Variants in FMR1 observed in about 807,000 individuals in gnomAD.
The protein encoded by FMR1 is fragile X messenger ribonucleoprotein 1.
Under a neutral mutation model 50.6 loss-of-function variants are expected in FMR1, and 13 were observed. That is an observed-to-expected ratio of 0.26 (90% CI 0.17 to 0.41). The LOEUF is 0.41. Ranked by LOEUF, FMR1 falls within the 10% of genes least tolerant of loss-of-function variation. FMR1 has a pLI of 1.00. For synonymous variants in FMR1, 138 were observed against 164.1 expected (o/e 0.84, Z 1.22); for missense variants, 316 against 491.3 (o/e 0.64, Z 3.37).
chrX:147,950,021 C>CT lies in FMR1; in HGVS notation c.*1185dup, dbSNP rs781888578. On this transcript the variant is annotated 3_prime_UTR_variant, in exon 17 of 17. Coordinates refer to ENST00000370475, the MANE Select transcript of FMR1 (RefSeq NM_002024.6). ...ACTAAGATCGGTTAACAAATAACAA[C>CT]TTTTTTTTCTTTTTTTCTTTTGTTT... 6 of 312,051 alleles carry CT rather than the reference C, an allele frequency of 1.9e-5. No individual in the cohort carries two copies. The highest frequency in any genetic ancestry group is 1.2e-4 in the South Asian group (4 of 34,513). The allele number at this position is 312,051 out of a possible 1,213,427, so 25.7% of individuals were successfully genotyped here.
intron 14 of FMR1, chrX:147,944,086 C>G: frequency 1.5e-6 from 1 of 648,214 alleles, no homozygotes; most frequent in Non-Finnish European, 1.8e-6. Flanking sequence ...AGCTGATATT[C>G]TGGAGTTGGG....
intron 2 of FMR1, among the ~76,000 whole-genome samples, chrX:147,924,718 C>A: frequency 9.6e-6 from 1 of 104,530 alleles, no homozygotes; most frequent in Non-Finnish European, 2.0e-5. Flanking sequence ...TCAGGTCTTA[C>A]CTTGTTGCCC....
intron 9 of FMR1, among the ~76,000 whole-genome samples, chrX:147,934,577 A>G (rs1299868078): frequency 8.9e-6 from 1 of 111,824 alleles, no homozygotes; most frequent in Non-Finnish European, 1.9e-5. Flanking sequence ...TTTGGAAATA[A>G]GTGTAATGTA....
intron 12 of FMR1, 26 bp from the exon 13 acceptor site, chrX:147,940,547 TAGG>T: frequency 1.0e-6 from 1 of 964,512 alleles, no homozygotes. Flanking sequence ...ATTACTTTTA[TAGG>T]ATCATTGTTG....
At chrX:147,928,568 A>G in intron 4 of FMR1, 91 bp from the exon 5 acceptor site, 9 of 900,818 alleles carry the variant, frequency 1.0e-5, no homozygotes, top group Non-Finnish European at 1.4e-5. Context: ...TTTTTCACAT[A>G]GATTATTTAT....
rs1234449753 is a variant in FMR1 at position 147,936,649 on chromosome X, ATAAAAG to A, written c.990+44_990+49del. On this transcript the variant is annotated intron_variant, in intron 10 of 16. Coordinates refer to ENST00000370475, the MANE Select transcript of FMR1 (RefSeq NM_002024.6). ...GTGCGAATATTTTGTGGCACATATA[ATAAAAG>A]TAAAAGTTTTTTATGTGATATGTTG... is the stretch of plus-strand genomic sequence containing the variant. The A allele has an allele frequency of 1.0e-5, 9 of 894,584 alleles. No homozygotes were observed. In the Admixed American group the frequency reaches 1.1e-4, roughly 11 times the overall value. The allele number at this position is 894,584 out of a possible 1,213,427, so 73.7% of individuals were successfully genotyped here. A position where few individuals can be genotyped will look rare whatever the true frequency, so the allele number is the denominator to read the frequency against.
Position 147,929,994 on chromosome X carries a change from G to T in FMR1, c.466G>T (p.Ala156Ser). The T allele has an allele frequency of 8.3e-7, 1 of 1,207,014 alleles. No homozygotes were observed. Among genetic ancestry groups the T allele is most frequent in the Non-Finnish European group, 1.1e-6 (1 of 891,610 alleles). Residue 156 changes from alanine to serine, a missense_variant, in exon 6 of 17, where the codon GCC becomes TCC. Coordinates refer to ENST00000370475, the MANE Select transcript of FMR1 (RefSeq NM_002024.6). ...AHKDFKKAVG[A>S]FSVTYDPENY... ...TAAGGATTTTAAAAAGGCAGTTGGT[G>T]CCTTTTCTGTAACTTATGATCCAGA...
In FMR1 at chrX:147,949,645, T is replaced by C. The variant is rs782097438; in HGVS notation, c.*801T>C. On this transcript the variant is annotated 3_prime_UTR_variant, in exon 17 of 17. Coordinates refer to ENST00000370475, the MANE Select transcript of FMR1 (RefSeq NM_002024.6). ...AGTGTTATTGAGAGAGATGTGTAAT[T>C]TTTCTGTATAGACAGGAGAAGAAAG... is the stretch of plus-strand genomic sequence containing the variant. 9 of 327,664 alleles carry C rather than the reference T, an allele frequency of 2.7e-5. No individual in the cohort carries two copies. Among genetic ancestry groups the C allele is most frequent in the Non-Finnish European group, 5.3e-5 (9 of 169,592 alleles). The allele number at this position is 327,664 out of a possible 1,213,427, so 27.0% of individuals were successfully genotyped here.
intron 1 of FMR1, chrX:147,913,385 A>G (rs1032383607): frequency 1.8e-5 from 2 of 112,227 alleles, no homozygotes; most frequent in African/African-American, 6.5e-5. Flanking sequence ...TTGAATGTCT[A>G]TAACCTCTTT....
chrX:147,950,326 C>A lies in FMR1; in HGVS notation c.*1482C>A, dbSNP rs782774672. On this transcript the variant is annotated 3_prime_UTR_variant, in exon 17 of 17. Transcript: ENST00000370475. ...TGGCAACAAACTGCACATGATTTCA[C>A]AAATATTAAAAAGTCTTTTAAAAAG... 7 of 327,700 alleles carry A rather than the reference C, an allele frequency of 2.1e-5. No individual in the cohort carries two copies. The highest frequency in any genetic ancestry group is 2.4e-5 in the Non-Finnish European group (4 of 169,501). 27.0% of individuals were successfully genotyped at this position (327,700 alleles called of 1,213,427 possible). A position where few individuals can be genotyped will look rare whatever the true frequency, so the allele number is the denominator to read the frequency against.
chrX:147,929,246 C>A (rs1325768223), intron 5 of FMR1, among the ~76,000 whole-genome samples: 1 of 112,143 alleles, frequency 8.9e-6, no homozygotes, highest in Non-Finnish European at 1.9e-5. Context: ...TCTCATCTTA[C>A]AATCCTTGAT....
intron 12 of FMR1, among the ~76,000 whole-genome samples, chrX:147,939,489 A>G (rs2043905595): frequency 9.0e-6 from 1 of 111,520 alleles, no homozygotes; most frequent in Admixed American, 9.5e-5. Flanking sequence ...TATTCAGTGC[A>G]TTTTTATCCT....
rs984971027 is a variant in FMR1, at chrX:147,931,790, G to A, written c.631-635G>A. 4.5e-5 allele frequency among the ~76,000 whole-genome samples: 5 copies of A among 111,675 alleles called. No individual in the cohort carries two copies. The East Asian group carries it at 1.4e-3, about 31-fold the overall frequency. Reference sequence around the variant, plus strand: ...GACTCTGGTCTCATGTTAGCTTTCAGATGCTTACTAAGTTTTTAATTTTTG... The same window carrying A: ...GACTCTGGTCTCATGTTAGCTTTCAAATGCTTACTAAGTTTTTAATTTTTG... On this transcript the variant is annotated intron_variant, in intron 7 of 16. Coordinates refer to ENST00000370475, the MANE Select transcript of FMR1 (RefSeq NM_002024.6).
chrX:147,934,675 A>G (rs2043727408), intron 9 of FMR1, among the ~76,000 whole-genome samples: 1 of 111,997 alleles, frequency 8.9e-6, no homozygotes. Flanking sequence ...AACCAGAAAG[A>G]CTGCTAAAAG....
chrX:147,933,916 A>C (rs1176467019), intron 9 of FMR1, among the ~76,000 whole-genome samples: 2 of 112,378 alleles, frequency 1.8e-5, no homozygotes, highest in Non-Finnish European at 3.8e-5. Context: ...ATTAGCTTGA[A>C]GATAAAGTGC....
chrX:147,937,416 T>A (rs2043829104), intron 10 of FMR1, 50 bp from the exon 11 acceptor site: 6 of 817,649 alleles, frequency 7.3e-6, no homozygotes, highest in Non-Finnish European at 1.1e-5. Flanking sequence ...CTAAATAAAG[T>A]CTTAAATTGG....
intron 7 of FMR1, among the ~76,000 whole-genome samples, chrX:147,931,568 C>T (rs1024720785): frequency 1.8e-5 from 2 of 111,613 alleles, no homozygotes; most frequent in African/African-American, 6.5e-5. Context: ...ATAAGAAATT[C>T]CCATTTTTCA....
chrX:147,945,169 T>A, intron 15 of FMR1, 118 bp downstream of exon 15: 3 of 1,057,348 alleles, frequency 2.8e-6, no homozygotes, highest in Non-Finnish European at 3.9e-6. Flanking sequence ...CGTTTTGTGC[T>A]GATACCATAG....
chrX:147,933,798 A>C (rs1036737097), intron 9 of FMR1: 2 of 229,814 alleles, frequency 8.7e-6, no homozygotes, highest in Non-Finnish European at 1.2e-5. Context: ...CATTCTGTTT[A>C]CGTAGTTTCA....
Sources: gnomAD v4.1 joint callset for allele counts (sites outside exome capture counted in the v4.1 genomes callset) on GRCh38, gnomAD v4.1.1 for gene constraint, MANE v1.5 for transcripts, NCBI Gene and HGNC (gene_info 2026-07-23, HGNC 2026-07-21) for gene names.